Variants in OSBPL5 observed in about 807,000 individuals in gnomAD.
The protein encoded by OSBPL5 is oxysterol-binding protein-related protein 5.
In OSBPL5, 71 loss-of-function variants were observed where a neutral mutation model predicts 111.2. The ratio of observed to expected loss-of-function variants is 0.64; its 90% CI spans 0.53 to 0.78. The LOEUF is 0.78. Among genes scored for constraint, OSBPL5 ranks in the 30% least tolerant of loss-of-function variants. The probability of loss-of-function intolerance (pLI) is 0.00; values close to 1 mark genes in which losing one functional copy is unlikely to be tolerated. For missense variants in OSBPL5, 1,210 were observed against 1,189.3 expected (o/e 1.02, Z -0.26); for synonymous variants, 549 against 513.9 (o/e 1.07, Z -0.93).
intron 1 of OSBPL5, among the ~76,000 whole-genome samples, chr11:3,145,937 T>A (rs1348663517): frequency 6.6e-6 from 1 of 152,108 alleles, no homozygotes; most frequent in Non-Finnish European, 1.5e-5. Flanking sequence ...GGGACACTGG[T>A]ACATCCTCCC....
chr11:3,145,641 G>A (rs1348902256), intron 1 of OSBPL5, among the ~76,000 whole-genome samples: 1 of 152,212 alleles, frequency 6.6e-6, no homozygotes, highest in Non-Finnish European at 1.5e-5. Context: ...CTGCGCTGGG[G>A]GCTGCTTCCT....
At chr11:3,131,570 T>C (rs1317943853) in intron 1 of OSBPL5, among the ~76,000 whole-genome samples, 4 of 131,992 alleles carry the variant, frequency 3.0e-5, no homozygotes, top group African/African-American at 1.2e-4. Context: ...CATTCATCCA[T>C]CCATCCATCC....
intron 1 of OSBPL5, among the ~76,000 whole-genome samples, chr11:3,145,830 C>T (rs369007031): frequency 1.2e-4 from 19 of 152,344 alleles, no homozygotes; most frequent in African/African-American, 4.1e-4. Flanking sequence ...CAATGGGCAC[C>T]TGGTAGCCCA....
chr11:3,119,978 C>T (rs2134453522), intron 6 of OSBPL5: 1 of 415,168 alleles, frequency 2.4e-6, no homozygotes, highest in South Asian at 3.2e-5. Context: ...TAAGTATTTC[C>T]CATACATGAC....
chr11:3,112,452 G>A (rs1858029648), intron 7 of OSBPL5, among the ~76,000 whole-genome samples: 1 of 144,726 alleles, frequency 6.9e-6, no homozygotes, highest in African/African-American at 2.6e-5. Context: ...CTTTTGTATT[G>A]TGTAACCTGT....
rs1338971167 is a variant in OSBPL5, at chr11:3,104,168, G to A, written c.1244+25C>T. The A allele has an allele frequency of 1.3e-6, 2 of 1,586,702 alleles. No homozygotes were observed. The highest frequency in any genetic ancestry group is 1.7e-6 in the Non-Finnish European group (2 of 1,161,412). ...ATGCAGATGCAGGACGAGGTGTGGG[G>A]TGCCCCTCCCGGCATGGCGCGCACC... On this transcript the variant is annotated intron_variant, in intron 10 of 21. Transcript: ENST00000263650. The surrounding 1 kb of genome is among the most constrained non-coding windows in gnomAD (Gnocchi z 5.0).
chr11:3,115,700 A>C (rs1363622344), intron 7 of OSBPL5, among the ~76,000 whole-genome samples: 1 of 152,264 alleles, frequency 6.6e-6, no homozygotes, highest in African/African-American at 2.4e-5. Flanking sequence ...TCTTGAAACA[A>C]TAACTGACTC....
chr11:3,110,282 G>A lies in OSBPL5; in HGVS notation c.692-2337C>T, dbSNP rs1316895109. On this transcript the variant is annotated intron_variant, in intron 7 of 21. Coordinates refer to ENST00000263650, the MANE Select transcript of OSBPL5 (RefSeq NM_020896.4). The surrounding 1 kb of genome is among the most constrained non-coding windows in gnomAD (Gnocchi z 5.3). Reference sequence around the variant, plus strand: ...TGGGGTTAGAGGAGGTGGAGCAACCGCATTTACCCAGAGCAGCCACTGGAG... The same window carrying A: ...TGGGGTTAGAGGAGGTGGAGCAACCACATTTACCCAGAGCAGCCACTGGAG... Among the ~76,000 whole-genome samples, 3 of 152,192 alleles carry A rather than the reference G, an allele frequency of 2.0e-5. No individual in the cohort carries two copies. Among genetic ancestry groups the A allele is most frequent in the Non-Finnish European group, 2.9e-5 (2 of 68,016 alleles).
chr11:3,125,551 A>G (rs886610696), intron 3 of OSBPL5, among the ~76,000 whole-genome samples: 1 of 152,244 alleles, frequency 6.6e-6, no homozygotes, highest in Non-Finnish European at 1.5e-5. Context: ...CACGCCTGTA[A>G]TCCCAGCACT....
intron 13 of OSBPL5, 28 bp downstream of exon 13, chr11:3,101,575 C>G (rs371626565): frequency 7.0e-5 from 112 of 1,594,366 alleles, no homozygotes; most frequent in Non-Finnish European, 9.3e-5. Context: ...CCTGAGGCCC[C>G]AGGGAGCGCC....
Position 3,107,909 on chromosome 11 carries a change from C to A in OSBPL5, c.728G>T (p.Arg243Leu), listed in dbSNP as rs373421505. 1 of 1,602,502 alleles carries A rather than the reference C, an allele frequency of 6.2e-7. No homozygotes were observed. The highest frequency in any genetic ancestry group is 8.5e-7 in the Non-Finnish European group (1 of 1,179,852). Reference protein sequence around the residue: ...CWLDALELALRCSSLLRLGTC... With the variant: ...CWLDALELALLCSSLLRLGTC... Reference sequence around the variant, plus strand: ...GCCCAGTCTCAGTAGGCTAGAGCAGCGCAGGGCCAGCTCCAGGGCGTCCAG... The same window carrying A: ...GCCCAGTCTCAGTAGGCTAGAGCAGAGCAGGGCCAGCTCCAGGGCGTCCAG... Residue 243 changes from arginine to leucine, a missense_variant, in exon 8 of 22, where the codon CGC becomes CTC. Transcript: ENST00000263650. The surrounding 1 kb of genome is among the most constrained non-coding windows in gnomAD (Gnocchi z 6.1).
At chr11:3,097,021 G>GAGGAGGACAGGAAAGAGGGGGAAGAT (rs1564824559) in intron 14 of OSBPL5, among the ~76,000 whole-genome samples, 2 of 10,380 alleles carry the variant, frequency 1.9e-4, no homozygotes, top group African/African-American at 3.4e-4. Context: ...AAGACGGGAG[G>GAGGAGGACAGGAAAGAGGGGGAAGAT]GGGAGGAGAG....
rs919556399 is a variant in OSBPL5 at position 3,113,240 on chromosome 11, T to C, written c.692-5295A>G. 6.6e-6 allele frequency among the ~76,000 whole-genome samples: 1 copy of C among 152,234 alleles called. No homozygotes were observed. Among genetic ancestry groups the C allele is most frequent in the Non-Finnish European group, 1.5e-5 (1 of 68,044 alleles). ...AGTAATATTAGAAATGTCTTAAGAA[T>C]TGCCAGCATATATTTTTGTTTGCAT... On this transcript the variant is annotated intron_variant, in intron 7 of 21. Transcript: ENST00000263650. The surrounding 1 kb of genome is among the most constrained non-coding windows in gnomAD (Gnocchi z 4.8).
intron 1 of OSBPL5, among the ~76,000 whole-genome samples, chr11:3,145,301 CT>C (rs1267213528): frequency 3.3e-5 from 5 of 152,360 alleles, no homozygotes; most frequent in African/African-American, 1.2e-4. Context: ...GGCCCTGCCC[CT>C]CCCTCCACCA....
intron 1 of OSBPL5, among the ~76,000 whole-genome samples, chr11:3,129,997 G>A (rs961307219): frequency 2.6e-5 from 4 of 152,220 alleles, no homozygotes; most frequent in African/African-American, 9.6e-5. Flanking sequence ...CCCCTGGAAG[G>A]AGAGAGGACA....
Position 3,141,828 on chromosome 11 carries a change from A to T in OSBPL5, c.-21-12659T>A, listed in dbSNP as rs1846129689. On this transcript the variant is annotated intron_variant, in intron 1 of 21. Coordinates refer to ENST00000263650, the MANE Select transcript of OSBPL5 (RefSeq NM_020896.4). This position sits in a 1 kb window ranked among gnomAD's most constrained non-coding sequence, Gnocchi z 6.5. ...CCAGTGCAGGGACTGGGAGGACTCTACGCCCTGGAAGGAAAAAAGACTGCA... is the reference window on the plus strand; with the variant it reads ...CCAGTGCAGGGACTGGGAGGACTCTTCGCCCTGGAAGGAAAAAAGACTGCA... Among the ~76,000 whole-genome samples the T allele has an allele frequency of 7.2e-6, 1 of 139,772 alleles. No homozygotes were observed. The highest frequency in any genetic ancestry group is 2.6e-5 in the African/African-American group (1 of 38,178). The allele number at this position is 139,772 out of a possible 152,430, so 91.7% of individuals were successfully genotyped here. A position where few individuals can be genotyped will look rare whatever the true frequency, so the allele number is the denominator to read the frequency against.
chr11:3,122,411 G>T lies in OSBPL5; in HGVS notation c.237C>A (p.Cys79Ter). 6.2e-7 allele frequency: 1 copy of T among 1,613,868 alleles called. No homozygotes were observed. The highest frequency in any genetic ancestry group is 8.5e-7 in the Non-Finnish European group (1 of 1,179,964). ...TKVPPAEYRL[C>*]NGSDKECVSP... ...ACACACATTCCTTGTCTGACCCGTT[G>T]CACAGCCTGTACTCTGCCTGAAAGA... is the stretch of plus-strand genomic sequence containing the variant. The change falls in exon 4 of 22, where the codon TGC becomes TGA. Residue 79 changes from cysteine to a stop codon, truncating the protein, a stop_gained. Coordinates refer to ENST00000263650, the MANE Select transcript of OSBPL5 (RefSeq NM_020896.4). LOFTEE classifies it high-confidence loss of function.
chr11:3,133,457 C>T (rs1845866564), intron 1 of OSBPL5, among the ~76,000 whole-genome samples: 2 of 152,382 alleles, frequency 1.3e-5, no homozygotes, highest in South Asian at 4.1e-4. Flanking sequence ...ACGCTCCGGC[C>T]ACCAAGGACT....
intron 14 of OSBPL5, among the ~76,000 whole-genome samples, chr11:3,095,247 G>A (rs1292284031): frequency 6.7e-6 from 1 of 149,220 alleles, no homozygotes; most frequent in Non-Finnish European, 1.5e-5. Flanking sequence ...GGAGGCGGAG[G>A]TTGTAGTGAG....
Sources: gnomAD v4.1 joint callset for allele counts (sites outside exome capture counted in the v4.1 genomes callset) on GRCh38, gnomAD v4.1.1 for gene constraint, Gnocchi (gnomAD v3.1) non-coding constraint, MANE v1.5 for transcripts, NCBI Gene and HGNC (gene_info 2026-07-23, HGNC 2026-07-21) for gene names.